The following HPSE2 variants were observed in gnomAD, a reference collection of about 807,000 sequenced individuals.
The protein encoded by HPSE2 is inactive heparanase-2.
Under a neutral mutation model 60.5 loss-of-function variants are expected in HPSE2, and 38 were observed. The observed-to-expected ratio is 0.63, with a 90% CI of 0.48 to 0.82. The LOEUF is 0.82. Ranked by LOEUF, HPSE2 falls within the 40% of genes least tolerant of loss-of-function variation. The probability of loss-of-function intolerance (pLI) is 0.00; values close to 1 mark genes in which losing one functional copy is unlikely to be tolerated. For missense variants in HPSE2, 713 were observed against 740.4 expected, an observed-to-expected ratio of 0.96 and a Z score of 0.43; for synonymous variants, 295 against 293.2, an observed-to-expected ratio of 1.01 and a Z score of -0.06.
intron 2 of HPSE2, among the ~76,000 whole-genome samples, chr10:99,216,188 C>CTTTTTTTTTTTTTTT (rs550046406): frequency 2.0e-5 from 2 of 97,674 alleles, no homozygotes; most frequent in Non-Finnish European, 3.7e-5. Context: ...ATAACCTAAA[C>CTTTTTTTTTTTTTTT]TTTTTTTTTT....
chr10:98,986,836 A>C (rs1422732334), intron 3 of HPSE2, among the ~76,000 whole-genome samples: 2 of 152,190 alleles, frequency 1.3e-5, no homozygotes, highest in African/African-American at 4.8e-5. Context: ...ACAGAAATAC[A>C]AACTACCATC....
intron 3 of HPSE2, among the ~76,000 whole-genome samples, chr10:98,903,607 C>G (rs1242390763): frequency 6.6e-6 from 1 of 152,082 alleles, no homozygotes; most frequent in Non-Finnish European, 1.5e-5. Context: ...TCCTAGAAAA[C>G]TGCATCTCAG....
chr10:98,670,394 T>A (rs958400909), intron 6 of HPSE2, among the ~76,000 whole-genome samples: 1 of 152,230 alleles, frequency 6.6e-6, no homozygotes, highest in African/African-American at 2.4e-5. Context: ...TTAGTATCCC[T>A]TAGAAATGTT....
At chr10:99,215,533 T>G (rs1163523425) in intron 2 of HPSE2, among the ~76,000 whole-genome samples, 1 of 152,158 alleles carries the variant, frequency 6.6e-6, no homozygotes. Flanking sequence ...AAAACCTAGA[T>G]GACAGGTTGA....
At chr10:98,603,555 G>C (rs557301729) in intron 9 of HPSE2, among the ~76,000 whole-genome samples, 1 of 150,782 alleles carries the variant, frequency 6.6e-6, no homozygotes, top group African/African-American at 2.4e-5. Context: ...ACAGCCTCCC[G>C]AGTAGCTGGG....
At chr10:98,520,971 C>T (rs1228411975) in intron 9 of HPSE2, among the ~76,000 whole-genome samples, 1 of 152,152 alleles carries the variant, frequency 6.6e-6, no homozygotes, top group Non-Finnish European at 1.5e-5. Flanking sequence ...CTTCCTTACA[C>T]CTTATACAAA....
chr10:98,982,980 C>A (rs564195757), intron 3 of HPSE2, among the ~76,000 whole-genome samples: 11 of 152,224 alleles, frequency 7.2e-5, no homozygotes, highest in African/African-American at 2.6e-4. Flanking sequence ...CATACAAATT[C>A]TTTCAAATTA....
intron 3 of HPSE2, among the ~76,000 whole-genome samples, chr10:98,813,578 G>T (rs992750473): frequency 3.6e-4 from 55 of 152,302 alleles, no homozygotes; most frequent in African/African-American, 1.3e-3. Context: ...TTACTCAAGA[G>T]TAGAATGTAA....
At chr10:98,886,203 C>A (rs1240471458) in intron 3 of HPSE2, among the ~76,000 whole-genome samples, 3 of 152,006 alleles carry the variant, frequency 2.0e-5, no homozygotes, top group Non-Finnish European at 4.4e-5. Flanking sequence ...AGTTACAAAT[C>A]TCCTGCCACA....
At chr10:99,254,385 G>T in the HPSE2 span, among the ~76,000 whole-genome samples, 3 of 152,078 alleles carry the variant, frequency 2.0e-5, no homozygotes, top group Non-Finnish European at 4.4e-5. Flanking sequence ...TAGACACTGG[G>T]GACTACTAGA....
chr10:98,529,353 T>A (rs909470566), intron 9 of HPSE2, among the ~76,000 whole-genome samples: 1 of 152,212 alleles, frequency 6.6e-6, no homozygotes, highest in South Asian at 2.1e-4. Context: ...TATCGACACT[T>A]AAAATGCACA....
intron 2 of HPSE2, among the ~76,000 whole-genome samples, chr10:99,148,212 T>C (rs532526033): frequency 6.6e-6 from 1 of 152,332 alleles, no homozygotes; most frequent in East Asian, 1.9e-4. Context: ...CAGACCTCTG[T>C]TCAAATCCTG....
At chr10:98,459,808 C>T in intron 11 of HPSE2, 69 bp from the exon 12 acceptor site, 8 of 1,445,998 alleles carry the variant, frequency 5.5e-6, no homozygotes, top group Non-Finnish European at 7.6e-6. Flanking sequence ...CAAAGCCTAG[C>T]CCCAGATGGC....
At chr10:98,594,328 T>C (rs988836522) in intron 9 of HPSE2, among the ~76,000 whole-genome samples, 4 of 152,090 alleles carry the variant, frequency 2.6e-5, no homozygotes, top group African/African-American at 9.7e-5. Context: ...GCCCATGATA[T>C]ACACCATTAT....
chr10:99,298,734 G>T, the HPSE2 span, among the ~76,000 whole-genome samples: 1 of 151,630 alleles, frequency 6.6e-6, no homozygotes, highest in African/African-American at 2.4e-5. Context: ...GAGTGCAGTG[G>T]CATGATCTTG....
chr10:98,928,398 A>C (rs11189877), intron 3 of HPSE2, among the ~76,000 whole-genome samples: 10,525 of 50,708 alleles, frequency 0.21, 1,658 homozygotes, highest in Non-Finnish European at 0.31. Flanking sequence ...GTGGGACTGT[A>C]AACTAGTTCA....
At chr10:98,735,236 A>T (rs1949325051) in intron 4 of HPSE2, among the ~76,000 whole-genome samples, 1 of 149,560 alleles carries the variant, frequency 6.7e-6, no homozygotes, top group Non-Finnish European at 1.5e-5. Flanking sequence ...TGCGAAAGCA[A>T]GTTTGAAACC....
chr10:98,881,737 C>T (rs112864273), intron 3 of HPSE2, among the ~76,000 whole-genome samples: 11 of 152,076 alleles, frequency 7.2e-5, no homozygotes, highest in African/African-American at 1.7e-4. Context: ...GAGAAGAACC[C>T]GAAATCACTG....
At chr10:98,750,958 G>A (rs1949744378) in intron 3 of HPSE2, among the ~76,000 whole-genome samples, 1 of 152,096 alleles carries the variant, frequency 6.6e-6, no homozygotes, top group African/African-American at 2.4e-5. Context: ...AGAGAGACAG[G>A]AGCTGTCATA....
Sources: gnomAD v4.1 joint callset for allele counts (sites outside exome capture counted in the v4.1 genomes callset) on GRCh38, gnomAD v4.1.1 for gene constraint, MANE v1.5 for transcripts, NCBI Gene and HGNC (gene_info 2026-07-23, HGNC 2026-07-21) for gene names.